EVI5: variants seen among roughly 807,000 people sequenced by gnomAD.
EVI5 encodes the protein ecotropic viral integration site 5.
EVI5 carries 73 observed loss-of-function variants against 112.0 expected under a neutral mutation model. The ratio of observed to expected loss-of-function variants is 0.65; its 90% CI spans 0.54 to 0.79. The LOEUF is 0.79. EVI5 is among the 30% of genes least tolerant of loss of function. EVI5 has a pLI of 0.00. For missense variants in EVI5, 900 were observed against 968.8 expected (o/e 0.93, Z 0.94); for synonymous variants, 305 against 319.9 (o/e 0.95, Z 0.50).
At chr1:92,547,609 T>C (rs2100705679) in intron 19 of EVI5, among the ~76,000 whole-genome samples, 1 of 151,766 alleles carries the variant, frequency 6.6e-6, no homozygotes, top group Non-Finnish European at 1.5e-5. Context: ...GCAAGACTAA[T>C]AAAGAAGAAA....
chr1:92,528,995 T>C (rs1204526144), intron 19 of EVI5, among the ~76,000 whole-genome samples: 1 of 152,206 alleles, frequency 6.6e-6, no homozygotes, highest in Non-Finnish European at 1.5e-5. Context: ...TAAAAGATTG[T>C]TGGAAAGACA....
At chr1:92,760,417 G>A (rs959601710) in intron 1 of EVI5, among the ~76,000 whole-genome samples, 3 of 152,132 alleles carry the variant, frequency 2.0e-5, no homozygotes, top group Non-Finnish European at 4.4e-5. Flanking sequence ...ACAGCAGCTA[G>A]TATACACTAA....
chr1:92,646,623 T>C (rs1661020024), intron 13 of EVI5, among the ~76,000 whole-genome samples: 1 of 152,220 alleles, frequency 6.6e-6, no homozygotes, highest in Non-Finnish European at 1.5e-5. Context: ...GGTTGTTTTG[T>C]TCTTTTTATA....
rs55898086 is a variant in EVI5, at chr1:92,551,040, C to CTTTTTTTTTTTTT, written c.2166+12589_2166+12601dup. Reference sequence around the variant, plus strand: ...TCTTTTTTCTTTTCTTTCTTTCTTTCTTTTTTTTTTTTTTTTTTTTGAGAC... The same window carrying CTTTTTTTTTTTTT: ...TCTTTTTTCTTTTCTTTCTTTCTTTCTTTTTTTTTTTTTTTTTTTTTTTTTTTTTTTTTGAGAC... On this transcript the variant is annotated intron_variant, in intron 19 of 19. Transcript: ENST00000684568. Among the ~76,000 whole-genome samples, 21 of 80,702 alleles carry CTTTTTTTTTTTTT rather than the reference C, an allele frequency of 2.6e-4. 2 individuals carry two copies. The highest frequency in any genetic ancestry group is 4.6e-4 in the African/African-American group (9 of 19,492). The allele number at this position is 80,702 out of a possible 152,430, so 52.9% of individuals were successfully genotyped here.
intron 2 of EVI5, among the ~76,000 whole-genome samples, chr1:92,718,025 G>T (rs1269266939): frequency 6.6e-6 from 1 of 152,082 alleles, no homozygotes; most frequent in Admixed American, 6.5e-5. Context: ...CCCAATACAG[G>T]AGCACCCAGA....
At chr1:92,722,851 CAT>C (rs1326522076) in intron 2 of EVI5, among the ~76,000 whole-genome samples, 1 of 152,162 alleles carries the variant, frequency 6.6e-6, no homozygotes, top group African/African-American at 2.4e-5. Context: ...AACCAAAACA[CAT>C]ATACACACAC....
At chr1:92,678,698 AT>A (rs1048350287) in intron 9 of EVI5, among the ~76,000 whole-genome samples, 4 of 152,004 alleles carry the variant, frequency 2.6e-5, no homozygotes, top group African/African-American at 7.3e-5. Context: ...GTACCACCAA[AT>A]TTTTTTTATC....
At chr1:92,542,606 A>G (rs1459296802) in intron 19 of EVI5, among the ~76,000 whole-genome samples, 2 of 152,192 alleles carry the variant, frequency 1.3e-5, no homozygotes, top group Non-Finnish European at 2.9e-5. Flanking sequence ...ATGGCACTAT[A>G]TGTCTTCTGG....
At chr1:92,768,203 C>T (rs920295310) in intron 1 of EVI5, among the ~76,000 whole-genome samples, 2 of 151,954 alleles carry the variant, frequency 1.3e-5, no homozygotes, top group Admixed American at 1.3e-4. Context: ...TCTTAATTCC[C>T]TGAGCTCCAT....
At chr1:92,742,159 C>A (rs1300175246) in intron 1 of EVI5, among the ~76,000 whole-genome samples, 1 of 151,738 alleles carries the variant, frequency 6.6e-6, no homozygotes, top group African/African-American at 2.4e-5. Context: ...AGGATTTGAA[C>A]AGACATTTCC....
intron 19 of EVI5, among the ~76,000 whole-genome samples, chr1:92,542,002 G>T (rs1664888755): frequency 6.6e-6 from 1 of 152,198 alleles, no homozygotes; most frequent in Admixed American, 6.5e-5. Flanking sequence ...AGGTTGGGGT[G>T]GTTGTGGCAA....
chr1:92,664,976 G>A (rs1288866924), intron 11 of EVI5, among the ~76,000 whole-genome samples: 1 of 152,190 alleles, frequency 6.6e-6, no homozygotes. Flanking sequence ...GGAGGCCGAG[G>A]CAGGCGGATC....
chr1:92,601,246 G>T (rs1649111498), intron 18 of EVI5, among the ~76,000 whole-genome samples: 1 of 152,132 alleles, frequency 6.6e-6, no homozygotes, highest in African/African-American at 2.4e-5. Context: ...ATGAAAGACA[G>T]TAAGTGCTGG....
chr1:92,783,245 G>A (rs1685091699), intron 1 of EVI5, among the ~76,000 whole-genome samples: 1 of 152,018 alleles, frequency 6.6e-6, no homozygotes, highest in Admixed American at 6.6e-5. Flanking sequence ...GACCACCTGG[G>A]CCAGGTGCGC....
Position 92,513,650 on chromosome 1 carries a change from T to A in EVI5, c.*6A>T, listed in dbSNP as rs1486240018. ...AATAAATCCATAGTCTAGGTCACAG[T>A]GATGGTCAGACAGTGGTTGAATACG... On this transcript the variant is annotated 3_prime_UTR_variant, in exon 20 of 20. Coordinates refer to ENST00000684568, the MANE Select transcript of EVI5 (RefSeq NM_001350197.2). 3 of 1,584,170 alleles carry A rather than the reference T, an allele frequency of 1.9e-6. No individual in the cohort carries two copies. Among genetic ancestry groups the A allele is most frequent in the African/African-American group, 1.4e-5 (1 of 73,082 alleles).
chr1:92,771,675 C>T (rs1284025212), intron 1 of EVI5, among the ~76,000 whole-genome samples: 2 of 150,970 alleles, frequency 1.3e-5, no homozygotes, highest in Non-Finnish European at 3.0e-5. Flanking sequence ...GGCACGATCT[C>T]GGCTCACCAC....
chr1:92,534,969 C>T (rs1663595071), intron 19 of EVI5, among the ~76,000 whole-genome samples: 2 of 152,114 alleles, frequency 1.3e-5, no homozygotes, highest in Admixed American at 6.5e-5. Context: ...AAGAAACTAT[C>T]ATCAGGGTGA....
intron 2 of EVI5, among the ~76,000 whole-genome samples, chr1:92,726,275 C>G (rs1196453167): frequency 6.6e-6 from 1 of 151,968 alleles, no homozygotes; most frequent in Non-Finnish European, 1.5e-5. Context: ...TGCTTAAAAC[C>G]AGTGATAAAG....
chr1:92,689,674 A>G (rs1032319828), intron 9 of EVI5, among the ~76,000 whole-genome samples: 8 of 152,018 alleles, frequency 5.3e-5, no homozygotes, highest in African/African-American at 1.9e-4. Flanking sequence ...TGGCCACAAT[A>G]AGAACTCTTA....
Sources: gnomAD v4.1 joint callset for allele counts (sites outside exome capture counted in the v4.1 genomes callset) on GRCh38, gnomAD v4.1.1 for gene constraint, MANE v1.5 for transcripts, NCBI Gene and HGNC (gene_info 2026-07-23, HGNC 2026-07-21) for gene names.